ZNRF3: variants seen among roughly 807,000 people sequenced by gnomAD.
The protein encoded by ZNRF3 is E3 ubiquitin-protein ligase ZNRF3.
Under a neutral mutation model 72.5 loss-of-function variants are expected in ZNRF3, and 23 were observed. The ratio of observed to expected loss-of-function variants is 0.32; its 90% CI spans 0.23 to 0.45. The LOEUF (loss-of-function observed/expected upper bound fraction) is 0.45, where lower values mean the gene tolerates loss of function less well. ZNRF3 is among the 20% of genes least tolerant of loss of function. The pLI, the probability that ZNRF3 is intolerant of heterozygous loss-of-function variation, is 1.00. For synonymous variants in ZNRF3, 610 were observed against 545.3 expected, an observed-to-expected ratio of 1.12 and a Z score of -1.65; for missense variants, 1,169 against 1,272.1, an observed-to-expected ratio of 0.92 and a Z score of 1.23.
At chr22:28,951,211 T>C (rs1362412620) in intron 1 of ZNRF3, among the ~76,000 whole-genome samples, 1 of 152,198 alleles carries the variant, frequency 6.6e-6, no homozygotes, top group African/African-American at 2.4e-5. Context: ...CTAAGGGCCC[T>C]CTTCTGGGTT....
chr22:29,005,020 G>A (rs1414943627), intron 2 of ZNRF3, among the ~76,000 whole-genome samples: 3 of 152,142 alleles, frequency 2.0e-5, no homozygotes, highest in Admixed American at 6.5e-5. Flanking sequence ...TCTTGTCTCC[G>A]CTTTTCAGAC....
intron 2 of ZNRF3, among the ~76,000 whole-genome samples, chr22:29,040,000 C>A (rs1424811151): frequency 6.6e-6 from 1 of 152,002 alleles, no homozygotes; most frequent in African/African-American, 2.4e-5. Context: ...AAAGTGATGC[C>A]ACTCTCGCCT....
At chr22:29,015,636 C>T (rs1161304696) in intron 2 of ZNRF3, among the ~76,000 whole-genome samples, 1 of 149,618 alleles carries the variant, frequency 6.7e-6, no homozygotes, top group Non-Finnish European at 1.5e-5. Flanking sequence ...CACCACTGCA[C>T]TCCCGCCTGG....
intron 8 of ZNRF3, among the ~76,000 whole-genome samples, chr22:29,052,853 C>T (rs890847716): frequency 2.6e-5 from 4 of 151,948 alleles, no homozygotes; most frequent in African/African-American, 4.8e-5. Context: ...TAGCTGGGCA[C>T]GGTGACACAT....
Position 29,050,565 on chromosome 22 carries a change from G to T in ZNRF3, c.2384G>T (p.Ser795Ile). The change falls in exon 8 of 9, where the codon AGC (serine) becomes ATC (isoleucine). Residue 795 changes from serine (S) to isoleucine (I), a missense_variant. Physicochemically the swap from Ser to Ile is moderately radical, Grantham distance 142. Transcript: ENST00000544604. ...GTGGCCCGCGGGGGCGGAGGGGGCA[G>T]CGGCTGCTACACTGAGGACTACTCG... ...KQVARGGGGG[S>I]GCYTEDYSVS... 1.9e-6 allele frequency: 3 copies of T among 1,608,968 alleles called. No homozygotes were observed. Among genetic ancestry groups the T allele is most frequent in the Non-Finnish European group, 2.5e-6 (3 of 1,178,186 alleles).
intron 2 of ZNRF3, among the ~76,000 whole-genome samples, chr22:28,995,504 G>A (rs537151694): frequency 6.6e-6 from 1 of 152,292 alleles, no homozygotes; most frequent in South Asian, 2.1e-4. Flanking sequence ...GTACCACAGT[G>A]ATGGAGTGTG....
intron 2 of ZNRF3, among the ~76,000 whole-genome samples, chr22:28,990,653 G>A (rs2035936262): frequency 6.6e-6 from 1 of 152,070 alleles, no homozygotes; most frequent in Non-Finnish European, 1.5e-5. Context: ...TCTAGGCTGG[G>A]CGACAGAGGA....
intron 1 of ZNRF3, among the ~76,000 whole-genome samples, chr22:28,968,173 G>A (rs866327217): frequency 4.6e-5 from 7 of 152,018 alleles, no homozygotes; most frequent in Non-Finnish European, 7.4e-5. Context: ...ACTGCATTCT[G>A]GGTGACTTCC....
Position 29,050,261 on chromosome 22 carries a change from G to A in ZNRF3, c.2080G>A (p.Ala694Thr), listed in dbSNP as rs375106696. 30 of 1,598,084 alleles carry A rather than the reference G, an allele frequency of 1.9e-5. No homozygotes were observed. Among genetic ancestry groups the A allele is most frequent in the Non-Finnish European group, 2.2e-5 (26 of 1,179,120 alleles). Reference sequence around the variant, plus strand: ...GGGGCTCGAGGCTTCTCCTGGGGCCGCCCCTGACCTCAGGAGGACCTGGAA... The same window carrying A: ...GGGGCTCGAGGCTTCTCCTGGGGCCACCCCTGACCTCAGGAGGACCTGGAA... ...EVGLEASPGA[A>T]PDLRRTWKGG... Residue 694 changes from alanine to threonine, a missense_variant, in exon 8 of 9, where the codon GCC becomes ACC. Ala to Thr is a moderately conservative substitution (Grantham distance 58, BLOSUM62 0). Transcript: ENST00000544604.
intron 1 of ZNRF3, among the ~76,000 whole-genome samples, chr22:28,971,730 GTC>G (rs1216384384): frequency 2.0e-5 from 3 of 152,122 alleles, no homozygotes; most frequent in African/African-American, 7.2e-5. Flanking sequence ...TTAAGAGATG[GTC>G]TCTCTGTCTG....
intron 2 of ZNRF3, among the ~76,000 whole-genome samples, chr22:28,999,123 G>T (rs1367561595): frequency 6.9e-6 from 1 of 144,800 alleles, no homozygotes; most frequent in African/African-American, 2.6e-5. Context: ...TTTGAAACCA[G>T]CCTGGCCAAC....
chr22:28,939,283 C>CAA lies in ZNRF3; in HGVS notation c.301-47778_301-47777dup, dbSNP rs132557. ...TGGGCAACAGAGTGAGGCTCTATCT[C>CAA]AAAAAAAAAAAAAAAACAAAACCTC... On this transcript the variant is annotated intron_variant, in intron 1 of 8. Transcript: ENST00000544604. Among the ~76,000 whole-genome samples, 1,262 of 127,968 alleles carry CAA rather than the reference C, an allele frequency of 9.9e-3. 17 individuals are homozygous for CAA. Among genetic ancestry groups the CAA allele is most frequent in the African/African-American group, 0.022 (702 of 31,970 alleles). 84.0% of individuals were successfully genotyped at this position (127,968 alleles called of 152,430 possible). A position where few individuals can be genotyped will look rare whatever the true frequency, so the allele number is the denominator to read the frequency against.
chr22:28,930,612 A>G (rs1484832677), intron 1 of ZNRF3, among the ~76,000 whole-genome samples: 1 of 152,234 alleles, frequency 6.6e-6, no homozygotes, highest in Non-Finnish European at 1.5e-5. Context: ...ACTACGGAGC[A>G]GGTTATCTTG....
intron 1 of ZNRF3, among the ~76,000 whole-genome samples, chr22:28,936,182 G>A (rs1218686475): frequency 2.6e-5 from 4 of 152,068 alleles, no homozygotes; most frequent in Admixed American, 1.3e-4. Flanking sequence ...AGGTCTTTCA[G>A]CCATAGGTCC....
Position 29,049,462 on chromosome 22 carries a change from C to A in ZNRF3, c.1281C>A (p.Ser427Arg). Residue 427 changes from serine to arginine, a missense_variant, in exon 8 of 9, where the codon AGC (serine) becomes AGA (arginine). Ser to Arg is a moderately radical substitution (Grantham distance 110). Around this residue, in one of 2 missense-constraint regions of ZNRF3, gnomAD observed 783 missense variants for 731.4 expected, o/e 1.07. Coordinates refer to ENST00000544604, the MANE Select transcript of ZNRF3 (RefSeq NM_001206998.2). The surrounding 1 kb of genome is among the most constrained non-coding windows in gnomAD (Gnocchi z 5.2). ...ACCCACCCCTCCACCTGGACCACAGCCTGGCCGCTCACCGCTGCGGCCTGG... is the reference window on the plus strand; with the variant it reads ...ACCCACCCCTCCACCTGGACCACAGACTGGCCGCTCACCGCTGCGGCCTGG... ...RSYPPLHLDH[S>R]LAAHRCGLEH... 1 of 1,605,240 alleles carries A rather than the reference C, an allele frequency of 6.2e-7. No homozygotes were observed. The highest frequency in any genetic ancestry group is 8.5e-7 in the Non-Finnish European group (1 of 1,179,732).
At chr22:28,980,935 C>T (rs1422388824) in intron 1 of ZNRF3, among the ~76,000 whole-genome samples, 3 of 152,072 alleles carry the variant, frequency 2.0e-5, no homozygotes, top group African/African-American at 7.2e-5. Flanking sequence ...AATAATAAGG[C>T]AAAAACATAA....
intron 2 of ZNRF3, among the ~76,000 whole-genome samples, chr22:28,991,990 A>T (rs7291953): frequency 0.26 from 38,958 of 151,390 alleles, 6,194 homozygotes; most frequent in Middle Eastern, 0.4. Flanking sequence ...AAAAGAATAA[A>T]AAAAAAAAAA....
At position 29,050,965 on chromosome 22, in the gene ZNRF3, G is replaced by C. The variant is rs1012835262; in HGVS notation, c.2767+17G>C. 2.3e-5 allele frequency: 34 copies of C among 1,502,156 alleles called. No homozygotes were observed. Among genetic ancestry groups the C allele is most frequent in the Non-Finnish European group, 2.8e-5 (32 of 1,133,358 alleles). 93.1% of individuals were successfully genotyped at this position (1,502,156 alleles called of 1,614,324 possible). On this transcript the variant is annotated intron_variant, in intron 8 of 8. Transcript: ENST00000544604. ...AGGCTGCAGGTGAGAGCAGGAAATGGCAGTAGGTCAGAGCAGGAGTTTCCA... is the reference window on the plus strand; with the variant it reads ...AGGCTGCAGGTGAGAGCAGGAAATGCCAGTAGGTCAGAGCAGGAGTTTCCA...
At chr22:28,895,904 C>T (rs2033985242) in intron 1 of ZNRF3, among the ~76,000 whole-genome samples, 1 of 152,096 alleles carries the variant, frequency 6.6e-6, no homozygotes, top group African/African-American at 2.4e-5. Flanking sequence ...CTTAGTTCAT[C>T]CTCTCATTTG....
Sources: allele counts gnomAD v4.1 joint callset (sites outside exome capture counted in the v4.1 genomes callset), GRCh38; gene constraint gnomAD v4.1.1; regional missense constraint gnomAD v4.1.1; non-coding constraint Gnocchi (gnomAD v3.1); transcripts MANE v1.5; gene names NCBI Gene and HGNC (gene_info 2026-07-23, HGNC 2026-07-21).